SLC38A1: variants seen among roughly 807,000 people sequenced by gnomAD.
The protein encoded by SLC38A1 is sodium-coupled neutral amino acid symporter 1.
Under a neutral mutation model 60.3 loss-of-function variants are expected in SLC38A1, and 18 were observed. The ratio of observed to expected loss-of-function variants is 0.30; its 90% CI spans 0.21 to 0.44. The LOEUF (loss-of-function observed/expected upper bound fraction) is 0.44. Ranked by LOEUF, SLC38A1 falls within the 20% of genes least tolerant of loss-of-function variation. SLC38A1 has a pLI of 1.00. For synonymous variants in SLC38A1, 196 were observed against 212.1 expected (o/e 0.92, Z 0.66); for missense variants, 448 against 587.2 (o/e 0.76, Z 2.45).
At position 46,239,845 on chromosome 12, in the gene SLC38A1, T is replaced by C. The variant is rs1182502266; in HGVS notation, c.-45A>G. The C allele has an allele frequency of 2.5e-6, 4 of 1,604,830 alleles. No individual in the cohort carries two copies. Among genetic ancestry groups the C allele is most frequent in the South Asian group, 2.2e-5 (2 of 90,800 alleles). ...TTTGAAAATTAGTCCAAATTTCTCC[T>C]GTTCTGAGTGTATTTAGAAGTAGAT... On this transcript the variant is annotated 5_prime_UTR_variant, in exon 3 of 17. Transcript: ENST00000398637.
At chr12:46,215,016 T>C (rs571061320) in intron 5 of SLC38A1, among the ~76,000 whole-genome samples, 3 of 152,336 alleles carry the variant, frequency 2.0e-5, no homozygotes, top group Admixed American at 6.5e-5. Context: ...TTAACGTGTG[T>C]GCAAATTAGG....
chr12:46,212,724 T>C (rs188017979), intron 5 of SLC38A1, among the ~76,000 whole-genome samples: 1 of 152,248 alleles, frequency 6.6e-6, no homozygotes, highest in Non-Finnish European at 1.5e-5. Context: ...GAGAACCTAG[T>C]CCAGCACAGC....
At chr12:46,236,028 A>G (rs1244129371) in intron 3 of SLC38A1, among the ~76,000 whole-genome samples, 1 of 152,200 alleles carries the variant, frequency 6.6e-6, no homozygotes, top group African/African-American at 2.4e-5. Context: ...TTGCCAAAGA[A>G]AGGGGACTGC....
chr12:46,189,328 C>T (rs1321281682), intron 16 of SLC38A1, among the ~76,000 whole-genome samples: 1 of 151,724 alleles, frequency 6.6e-6, no homozygotes, highest in East Asian at 1.9e-4. Context: ...TTCATGGTCA[C>T]CTCAAGTGTA....
At chr12:46,201,967 C>G (rs964971865) in intron 12 of SLC38A1, among the ~76,000 whole-genome samples, 1 of 151,170 alleles carries the variant, frequency 6.6e-6, no homozygotes, top group Non-Finnish European at 1.5e-5. Flanking sequence ...CTGAGGCAGG[C>G]AGATCACCTG....
At chr12:46,245,622 C>T (rs1202942779) in intron 1 of SLC38A1, among the ~76,000 whole-genome samples, 5 of 152,182 alleles carry the variant, frequency 3.3e-5, no homozygotes, top group African/African-American at 1.2e-4. Flanking sequence ...TCTGGATATA[C>T]ACCCAAAGAA....
At chr12:46,226,922 G>A (rs998371850) in intron 5 of SLC38A1, among the ~76,000 whole-genome samples, 2 of 152,078 alleles carry the variant, frequency 1.3e-5, no homozygotes, top group African/African-American at 4.8e-5. Context: ...GCCCGGCCAA[G>A]GCCATGGATT....
intron 1 of SLC38A1, chr12:46,267,342 C>T (rs1592167754): frequency 6.6e-6 from 1 of 152,382 alleles, no homozygotes; most frequent in Admixed American, 6.5e-5. Flanking sequence ...AGGGTTTGTA[C>T]AAACCCCGGG....
chr12:46,245,877 T>C (rs532983768), intron 1 of SLC38A1, among the ~76,000 whole-genome samples: 2 of 152,394 alleles, frequency 1.3e-5, no homozygotes, highest in African/African-American at 4.8e-5. Context: ...ATTTCCTTTC[T>C]TTAGCTCTAG....
intron 5 of SLC38A1, among the ~76,000 whole-genome samples, chr12:46,228,825 C>T (rs1940962812): frequency 6.6e-6 from 1 of 152,166 alleles, no homozygotes; most frequent in Admixed American, 6.5e-5. Flanking sequence ...TGGGGTTAAA[C>T]ACCTCTTAAT....
At chr12:46,260,715 C>A (rs1024503057) in intron 1 of SLC38A1, among the ~76,000 whole-genome samples, 4 of 152,194 alleles carry the variant, frequency 2.6e-5, no homozygotes, top group Non-Finnish European at 5.9e-5. Flanking sequence ...AGACTTGAAA[C>A]TTGAGTATGG....
chr12:46,207,715 G>C, intron 6 of SLC38A1, 94 bp from the exon 7 acceptor site: 1 of 1,184,114 alleles, frequency 8.4e-7, no homozygotes, highest in Non-Finnish European at 1.3e-6. Flanking sequence ...TGTTCCCCAA[G>C]TTACTATGTG....
intron 1 of SLC38A1, among the ~76,000 whole-genome samples, chr12:46,264,169 T>C (rs1041618170): frequency 6.6e-6 from 1 of 152,206 alleles, no homozygotes; most frequent in Non-Finnish European, 1.5e-5. Flanking sequence ...CCCTGAAGAT[T>C]AGCAGCATGC....
chr12:46,265,534 C>T (rs950422302), intron 1 of SLC38A1, among the ~76,000 whole-genome samples: 4 of 151,940 alleles, frequency 2.6e-5, no homozygotes, highest in Non-Finnish European at 5.9e-5. Flanking sequence ...ATAGGGTGAA[C>T]TGTGAGAAAG....
At chr12:46,200,921 G>A (rs999944202) in intron 13 of SLC38A1, among the ~76,000 whole-genome samples, 177 bp downstream of exon 13, 7 of 152,040 alleles carry the variant, frequency 4.6e-5, no homozygotes, top group African/African-American at 7.3e-5. Flanking sequence ...TATTTTATTC[G>A]GCAGTCTGCA....
At chr12:46,258,740 G>A (rs192249050) in intron 1 of SLC38A1, among the ~76,000 whole-genome samples, 295 of 152,228 alleles carry the variant, frequency 1.9e-3, no homozygotes, top group African/African-American at 6.7e-3. Flanking sequence ...TGCAACCTCC[G>A]CCTCCCAGAT....
intron 12 of SLC38A1, among the ~76,000 whole-genome samples, chr12:46,202,049 TG>T (rs1290335361): frequency 6.6e-6 from 1 of 151,514 alleles, no homozygotes; most frequent in Non-Finnish European, 1.5e-5. Context: ...AAAAGTTAGC[TG>T]GGCATGGGGC....
rs1348294098 is a variant in SLC38A1 at position 46,185,223 on chromosome 12, TA to T, written c.*3746del. On this transcript the variant is annotated 3_prime_UTR_variant, in exon 17 of 17. Coordinates refer to ENST00000398637, the MANE Select transcript of SLC38A1 (RefSeq NM_030674.4). ...GGGAGGGGGCTGAGAATCTGCATTC[TA>T]ATGAGGTCCCCGATGATGCTGATGC... is the stretch of plus-strand genomic sequence containing the variant. 1.3e-5 allele frequency: 2 copies of T among 152,236 alleles called. No individual in the cohort carries two copies. Among genetic ancestry groups the T allele is most frequent in the Non-Finnish European group, 2.9e-5 (2 of 68,090 alleles). The allele number at this position is 152,236 out of a possible 1,614,324, so 9.4% of individuals were successfully genotyped here.
chr12:46,207,392 TG>T, intron 7 of SLC38A1, 136 bp downstream of exon 7: 1 of 1,030,044 alleles, frequency 9.7e-7, no homozygotes, highest in Non-Finnish European at 1.5e-6. Context: ...AATAAGTGAC[TG>T]CTGTCTCTGC....
Sources: allele counts gnomAD v4.1 joint callset (sites outside exome capture counted in the v4.1 genomes callset), GRCh38; gene constraint gnomAD v4.1.1; transcripts MANE v1.5; gene names NCBI Gene and HGNC (gene_info 2026-07-23, HGNC 2026-07-21).